The following CEP164 variants were observed in gnomAD, a reference collection of about 807,000 sequenced individuals.
The protein encoded by CEP164 is centrosomal protein 164.
A neutral mutation model predicts 182.7 loss-of-function variants in CEP164; 162 were observed. The ratio of observed to expected loss-of-function variants is 0.89; its 90% CI spans 0.78 to 1.01. The LOEUF (loss-of-function observed/expected upper bound fraction) is 1.01. CEP164 is among the 50% of genes least tolerant of loss of function. The pLI is 0.00. For synonymous variants in CEP164, 661 were observed against 690.0 expected (o/e 0.96, Z 0.66); for missense variants, 1,735 against 1,790.4 (o/e 0.97, Z 0.56).
chr11:117,372,108 A>AT (rs33975593), intron 9 of CEP164, among the ~76,000 whole-genome samples: 31,100 of 133,188 alleles, frequency 0.23, 3,763 homozygotes, highest in Middle Eastern at 0.26. Context: ...AGTTCAGGGT[A>AT]TTTTTTTTTT....
At chr11:117,402,025 T>C (rs186463639) in intron 27 of CEP164, among the ~76,000 whole-genome samples, 548 of 152,280 alleles carry the variant, frequency 3.6e-3, no homozygotes, top group African/African-American at 0.013. Context: ...CTTTTGAATT[T>C]GTTTCTTCTT....
rs573347266 is a variant in CEP164, at chr11:117,388,314, A to G, written c.1934+902A>G. Reference sequence around the variant, plus strand: ...TGGCATGCTAGAAGTGTCTTGATTCATGGCCTGGAACATAGCAGTTGCTGA... The same window carrying G: ...TGGCATGCTAGAAGTGTCTTGATTCGTGGCCTGGAACATAGCAGTTGCTGA... On this transcript the variant is annotated intron_variant, in intron 15 of 32. Transcript: ENST00000278935. Among the ~76,000 whole-genome samples the G allele has an allele frequency of 3.2e-4, 49 of 152,356 alleles. No homozygotes were observed. In the Middle Eastern group the frequency reaches 0.017, roughly 53 times the overall value.
chr11:117,398,617 T>C (rs2045785884), intron 27 of CEP164, among the ~76,000 whole-genome samples: 1 of 152,220 alleles, frequency 6.6e-6, no homozygotes, highest in South Asian at 2.1e-4. Flanking sequence ...TCCCAGACCT[T>C]AGTTCTTGAC....
intron 8 of CEP164, 79 bp downstream of exon 8, chr11:117,363,585 T>A: frequency 9.9e-7 from 1 of 1,008,676 alleles, no homozygotes; most frequent in East Asian, 2.4e-5. Flanking sequence ...GCTACTTTGT[T>A]GTAATGCATA....
At chr11:117,331,155 C>T (rs2036145537) in intron 1 of CEP164, among the ~76,000 whole-genome samples, 2 of 152,198 alleles carry the variant, frequency 1.3e-5, no homozygotes, top group Admixed American at 6.5e-5. Context: ...ATGTGCAAAA[C>T]TCTAGCTATG....
intron 1 of CEP164, among the ~76,000 whole-genome samples, chr11:117,331,445 G>A (rs953779132): frequency 6.6e-6 from 1 of 152,108 alleles, no homozygotes; most frequent in African/African-American, 2.4e-5. Flanking sequence ...CTGTATACAG[G>A]GACTGTGCTA....
chr11:117,386,267 G>C (rs1446985341), intron 14 of CEP164: 1 of 152,284 alleles, frequency 6.6e-6, no homozygotes, highest in African/African-American at 2.4e-5. Context: ...GTCACTCTGG[G>C]AGACAAAATG....
At chr11:117,359,117 G>T (rs79795409) in intron 5 of CEP164, among the ~76,000 whole-genome samples, 24,861 of 152,076 alleles carry the variant, frequency 0.16, 2,299 homozygotes, top group East Asian at 0.37. Flanking sequence ...GCTAATTTTT[G>T]TATTTTAGTA....
In CEP164 at chr11:117,411,899, T is replaced by C. The variant is rs770834883; in HGVS notation, c.4268T>C (p.Val1423Ala). 6.2e-7 allele frequency: 1 copy of C among 1,614,090 alleles called. No homozygotes were observed. The highest frequency in any genetic ancestry group is 8.5e-7 in the Non-Finnish European group (1 of 1,180,002). Residue 1423 changes from valine to alanine, a missense_variant, in exon 32 of 33, where the codon GTC (valine) becomes GCC (alanine). Val to Ala is a moderately conservative substitution (Grantham distance 64). Coordinates refer to ENST00000278935, the MANE Select transcript of CEP164 (RefSeq NM_014956.5). The surrounding 1 kb of genome is among the most constrained non-coding windows in gnomAD (Gnocchi z 4.4). The stretch of plus-strand genomic sequence containing the variant: ...GCCAACCGGAGGTGGCTGGAACGTG[T>C]CAAGAATGACCCCAGGTTGTATCCT... ...IEANRRWLERVKNDPRLPLFS... is the reference protein window; with the variant it reads ...IEANRRWLERAKNDPRLPLFS...
Position 117,380,708 on chromosome 11 carries a change from A to T in CEP164, c.1409+3A>T, listed in dbSNP as rs1445194359. On this transcript the variant is annotated splice_donor_region_variant and intron_variant, in intron 12 of 32. Coordinates refer to ENST00000278935, the MANE Select transcript of CEP164 (RefSeq NM_014956.5). ...CAGTCCAAAGGCCTGGAGGAGAGGT[A>T]CCATAGGTGGGAGGCTATCCCCAGC... 1 of 1,598,976 alleles carries T rather than the reference A, an allele frequency of 6.3e-7. No individual in the cohort carries two copies. The highest frequency in any genetic ancestry group is 8.5e-7 in the Non-Finnish European group (1 of 1,173,064).
chr11:117,371,177 G>A lies in CEP164; in HGVS notation c.863G>A (p.Gly288Asp). ...PPTPCKPSSP[G>D]ADSSLSSAVG... Reference sequence around the variant, plus strand: ...ACTCCCTGCAAGCCCTCCAGCCCAGGTGCAGACAGCAGTCTGAGCAGTGCT... The same window carrying A: ...ACTCCCTGCAAGCCCTCCAGCCCAGATGCAGACAGCAGTCTGAGCAGTGCT... The change falls in exon 9 of 33, where the codon GGT (glycine) becomes GAT (aspartate). Residue 288 changes from glycine to aspartate, a missense_variant. Transcript: ENST00000278935. 6.2e-7 allele frequency: 1 copy of A among 1,614,226 alleles called. No homozygotes were observed.
Position 117,392,358 on chromosome 11 carries a change from A to G in CEP164, c.2361+55A>G. 2.5e-6 allele frequency: 4 copies of G among 1,579,898 alleles called. No individual in the cohort carries two copies. The South Asian group carries it at 3.5e-5, about 14-fold the overall frequency. On this transcript the variant is annotated intron_variant, in intron 18 of 32. Transcript: ENST00000278935. Reference sequence around the variant, plus strand: ...TGGCTGATTAGCAGAATTCAGCCCCATCCCTGGCTACTAGGCAGCGAGCCT... The same window carrying G: ...TGGCTGATTAGCAGAATTCAGCCCCGTCCCTGGCTACTAGGCAGCGAGCCT...
intron 8 of CEP164, among the ~76,000 whole-genome samples, chr11:117,367,171 G>C (rs940467815): frequency 6.6e-6 from 1 of 152,202 alleles, no homozygotes; most frequent in Non-Finnish European, 1.5e-5. Flanking sequence ...CAGGAGACAA[G>C]GGGGCAGGGG....
chr11:117,408,108 G>A, intron 28 of CEP164, 76 bp downstream of exon 28: 1 of 1,147,250 alleles, frequency 8.7e-7, no homozygotes, highest in Non-Finnish European at 1.3e-6. Flanking sequence ...TGAGTTCTTT[G>A]GTCCTGCATC....
chr11:117,387,958 G>A (rs779191400), intron 15 of CEP164, among the ~76,000 whole-genome samples: 5 of 152,218 alleles, frequency 3.3e-5, no homozygotes, highest in Non-Finnish European at 7.3e-5. Context: ...AGCGCAGGAA[G>A]CACTGACATA....
At position 117,410,780 on chromosome 11, in the gene CEP164, G is replaced by A. The variant is rs757926556; in HGVS notation, c.4097-48G>A. On this transcript the variant is annotated intron_variant, in intron 30 of 32. Transcript: ENST00000278935. ...GGAGGCAAGAGGTGCTGGTGGGCAG[G>A]GTGGTGACCACTGCCCATTTCTGAG... 1.3e-5 allele frequency: 19 copies of A among 1,505,426 alleles called. 1 individual carries two copies. In the Admixed American group the frequency reaches 3.3e-4, roughly 26 times the overall value. 93.3% of individuals were successfully genotyped at this position (1,505,426 alleles called of 1,614,324 possible). A position where few individuals can be genotyped will look rare whatever the true frequency, so the allele number is the denominator to read the frequency against.
chr11:117,339,735 G>T (rs2135108541), intron 3 of CEP164, among the ~76,000 whole-genome samples: 1 of 151,922 alleles, frequency 6.6e-6, no homozygotes, highest in East Asian at 2.0e-4. Flanking sequence ...GTTTTGCAGT[G>T]TTGGCCAGGC....
chr11:117,346,885 A>G (rs2038975598), intron 4 of CEP164, among the ~76,000 whole-genome samples: 1 of 152,120 alleles, frequency 6.6e-6, no homozygotes, highest in Non-Finnish European at 1.5e-5. Context: ...ATGAGTCATT[A>G]AAATGTAGGT....
intron 3 of CEP164, 66 bp downstream of exon 3, chr11:117,338,734 TTTA>T: frequency 2.4e-6 from 3 of 1,253,728 alleles, no homozygotes; most frequent in Non-Finnish European, 3.5e-6. Flanking sequence ...GATTGTCTGG[TTTA>T]TTTTTATTCT....
Sources: gnomAD v4.1 joint callset for allele counts (sites outside exome capture counted in the v4.1 genomes callset) on GRCh38, gnomAD v4.1.1 for gene constraint, Gnocchi (gnomAD v3.1) non-coding constraint, MANE v1.5 for transcripts, NCBI Gene and HGNC (gene_info 2026-07-23, HGNC 2026-07-21) for gene names.